GAB4: variants seen among roughly 807,000 people sequenced by gnomAD.
The protein encoded by GAB4 is GRB2 associated binding protein family member 4.
Under a neutral mutation model 51.3 loss-of-function variants are expected in GAB4, and 26 were observed. The ratio of observed to expected loss-of-function variants is 0.51; its 90% CI spans 0.37 to 0.70. The LOEUF (loss-of-function observed/expected upper bound fraction) is 0.70, where lower values mean the gene tolerates loss of function less well. Ranked by LOEUF, GAB4 falls within the 30% of genes least tolerant of loss-of-function variation. The probability of loss-of-function intolerance (pLI) is 0.00; values close to 1 mark genes in which losing one functional copy is unlikely to be tolerated. For synonymous variants in GAB4, 329 were observed against 291.2 expected (o/e 1.13, Z -1.32); for missense variants, 759 against 734.6 (o/e 1.03, Z -0.38).
At chr22:16,976,630 C>A (rs1186528932) in intron 3 of GAB4, among the ~76,000 whole-genome samples, 4 of 152,106 alleles carry the variant, frequency 2.6e-5, no homozygotes, top group South Asian at 4.1e-4. Context: ...CCCAACCTAG[C>A]AAGAGAAGCC....
intron 1 of GAB4, among the ~76,000 whole-genome samples, chr22:16,992,978 C>T (rs1228558688): frequency 5.9e-5 from 9 of 152,104 alleles, no homozygotes; most frequent in Admixed American, 6.5e-5. Flanking sequence ...CTCCTGCTTC[C>T]GCCTCCCAAA....
intron 3 of GAB4, among the ~76,000 whole-genome samples, chr22:16,974,668 C>T (rs755363567): frequency 2.0e-5 from 3 of 152,202 alleles, no homozygotes; most frequent in Non-Finnish European, 4.4e-5. Context: ...TGCACTTGGT[C>T]ACTGCATTTA....
rs143512259 is a variant in GAB4, at chr22:16,999,552, T to C, written c.175-7376A>G. Reference sequence around the variant, plus strand: ...CTCTTTTCTTCTTTATTAGTCTTGCTAGAGGTCTTTCAATTCTGTTGATCT... The same window carrying C: ...CTCTTTTCTTCTTTATTAGTCTTGCCAGAGGTCTTTCAATTCTGTTGATCT... On this transcript the variant is annotated intron_variant, in intron 1 of 9. Transcript: ENST00000400588. Among the ~76,000 whole-genome samples the C allele has an allele frequency of 6.3e-3, 955 of 152,360 alleles. 2 individuals are homozygous for C. Among genetic ancestry groups the C allele is most frequent in the Middle Eastern group, 0.024 (7 of 294 alleles).
At chr22:16,991,655 A>G (rs954346488) in intron 2 of GAB4, among the ~76,000 whole-genome samples, 7 of 152,212 alleles carry the variant, frequency 4.6e-5, no homozygotes, top group Admixed American at 6.5e-5. Context: ...CTGAGAGGTG[A>G]CAGGGCAAAG....
At chr22:16,982,925 C>T (rs2060838620) in intron 3 of GAB4, among the ~76,000 whole-genome samples, 2 of 152,186 alleles carry the variant, frequency 1.3e-5, no homozygotes, top group Non-Finnish European at 2.9e-5. Flanking sequence ...ATAATCTAAG[C>T]CCAGGGCATA....
rs1324226875 is a variant in GAB4 at position 17,008,205 on chromosome 22, G to A, written c.-91C>T. On this transcript the variant is annotated 5_prime_UTR_variant, in exon 1 of 10. Transcript: ENST00000400588. ...TGAGGGACGGCTTGCGATACCCTGG[G>A]ACTGCGGGGTAGAAAGCGCAGTTCT... 8.6e-5 allele frequency: 78 copies of A among 912,076 alleles called. No individual in the cohort carries two copies. The highest frequency in any genetic ancestry group is 3.3e-4 in the Middle Eastern group (1 of 3,034). The allele number at this position is 912,076 out of a possible 1,614,324, so 56.5% of individuals were successfully genotyped here.
chr22:16,962,619 C>T lies in GAB4; in HGVS notation c.*114G>A. 1.0e-6 allele frequency: 1 copy of T among 967,356 alleles called. No homozygotes were observed. The highest frequency in any genetic ancestry group is 1.5e-6 in the Non-Finnish European group (1 of 686,112). The allele number at this position is 967,356 out of a possible 1,614,324, so 59.9% of individuals were successfully genotyped here. A position where few individuals can be genotyped will look rare whatever the true frequency, so the allele number is the denominator to read the frequency against. ...AAGCAGGCAAAGGATGTATATTGAT[C>T]AGGCCTCTGCTCTCTATGTAAGGGA... On this transcript the variant is annotated 3_prime_UTR_variant, in exon 10 of 10. Transcript: ENST00000400588.
chr22:16,986,345 G>C (rs2060867543), intron 3 of GAB4, among the ~76,000 whole-genome samples: 1 of 152,184 alleles, frequency 6.6e-6, no homozygotes. Context: ...ACGAAGCACT[G>C]TGTCTTTTAC....
intron 3 of GAB4, among the ~76,000 whole-genome samples, chr22:16,987,365 C>G (rs2060876686): frequency 6.6e-6 from 1 of 152,198 alleles, no homozygotes; most frequent in Non-Finnish European, 1.5e-5. Context: ...AAGCAGAGGT[C>G]ATGGTTCCAG....
intron 1 of GAB4, among the ~76,000 whole-genome samples, chr22:16,993,333 A>G (rs769843155): frequency 6.6e-6 from 1 of 152,146 alleles, no homozygotes; most frequent in Non-Finnish European, 1.5e-5. Context: ...TAAGTACCTC[A>G]TAGTTTTATT....
At chr22:16,981,622 C>T (rs1333337322) in intron 3 of GAB4, among the ~76,000 whole-genome samples, 1 of 152,094 alleles carries the variant, frequency 6.6e-6, no homozygotes, top group Non-Finnish European at 1.5e-5. Context: ...AAGATAGACA[C>T]AGTAATAAAC....
intron 1 of GAB4, among the ~76,000 whole-genome samples, chr22:16,996,455 GACCACC>G (rs2060949713): frequency 6.6e-6 from 1 of 151,944 alleles, no homozygotes; most frequent in African/African-American, 2.4e-5. Context: ...GAAATACAAA[GACCACC>G]ACCATGATAC....
intron 1 of GAB4, among the ~76,000 whole-genome samples, chr22:16,998,229 C>T (rs1310111322): frequency 2.6e-5 from 4 of 152,114 alleles, no homozygotes; most frequent in Non-Finnish European, 5.9e-5. Flanking sequence ...TATAAATTAC[C>T]TTGGGCAGTG....
chr22:16,990,779 C>A (rs1198350301), intron 2 of GAB4, among the ~76,000 whole-genome samples: 1 of 152,202 alleles, frequency 6.6e-6, no homozygotes, highest in East Asian at 1.9e-4. Context: ...CAAAGCAGTT[C>A]TGGCAATAAA....
At chr22:16,979,261 G>C (rs1235203760) in intron 3 of GAB4, among the ~76,000 whole-genome samples, 1 of 152,194 alleles carries the variant, frequency 6.6e-6, no homozygotes, top group African/African-American at 2.4e-5. Context: ...CAGATGACAT[G>C]ATTGTATACT....
intron 2 of GAB4, among the ~76,000 whole-genome samples, chr22:16,990,701 A>G (rs770332131): frequency 5.3e-5 from 8 of 152,198 alleles, no homozygotes; most frequent in Non-Finnish European, 7.3e-5. Context: ...GGGGTCTATC[A>G]GCACCAAGCC....
At chr22:16,970,929 C>A (rs1340871360) in intron 3 of GAB4, among the ~76,000 whole-genome samples, 3 of 152,056 alleles carry the variant, frequency 2.0e-5, no homozygotes, top group African/African-American at 7.3e-5. Flanking sequence ...GGCACGGTGG[C>A]CCACACCTGT....
intron 3 of GAB4, among the ~76,000 whole-genome samples, chr22:16,982,060 T>C (rs553801759): frequency 2.0e-5 from 3 of 152,200 alleles, no homozygotes; most frequent in Non-Finnish European, 4.4e-5. Context: ...GGAACATGCC[T>C]CAAAACAATA....
intron 2 of GAB4, among the ~76,000 whole-genome samples, chr22:16,991,362 G>A (rs1456014260): frequency 6.6e-6 from 1 of 151,042 alleles, no homozygotes; most frequent in East Asian, 1.9e-4. Flanking sequence ...GGTGAGTAGA[G>A]GATGAGCCTG....
Sources: allele counts gnomAD v4.1 joint callset (sites outside exome capture counted in the v4.1 genomes callset), GRCh38; gene constraint gnomAD v4.1.1; transcripts MANE v1.5; gene names NCBI Gene and HGNC (gene_info 2026-07-23, HGNC 2026-07-21).